Variants in MALRD1 observed in about 807,000 individuals in gnomAD.
MALRD1 encodes the protein MAM and LDL receptor class A domain containing 1, also known as MAM and LDL-receptor class A domain-containing protein 1.
Under a neutral mutation model 242.1 loss-of-function variants are expected in MALRD1, and 247 were observed. The observed-to-expected ratio is 1.02, with a 90% CI of 0.92 to 1.13. MALRD1 has a LOEUF of 1.13. Among genes scored for constraint, MALRD1 ranks in the 50% most tolerant of loss-of-function variants. The pLI is 0.00. For missense variants in MALRD1, 2,989 were observed against 2,533.1 expected (o/e 1.18, Z -3.86); for synonymous variants, 995 against 866.6 (o/e 1.15, Z -2.60).
intron 12 of MALRD1, among the ~76,000 whole-genome samples, chr10:19,161,550 C>CAAAAAAAAAAAAAAAAAAAA: frequency 8.2e-5 from 5 of 60,836 alleles, no homozygotes; most frequent in African/African-American, 1.4e-4. Context: ...AAAAAAAAAG[C>CAAAAAAAAAAAAAAAAAAAA]AAAAAAAAAA....
At chr10:19,721,124 G>T (rs1377082851) in intron 38 of MALRD1, among the ~76,000 whole-genome samples, 4 of 151,852 alleles carry the variant, frequency 2.6e-5, no homozygotes, top group Admixed American at 1.3e-4. Flanking sequence ...TTTCTAAAAA[G>T]ATCTCTTCTT....
intron 28 of MALRD1, among the ~76,000 whole-genome samples, chr10:19,425,498 C>A (rs1456909981): frequency 1.3e-5 from 2 of 151,958 alleles, no homozygotes; most frequent in Non-Finnish European, 2.9e-5. Flanking sequence ...CTGTGACTGT[C>A]TTTTCTTTTC....
At chr10:19,663,185 A>G (rs1214784965) in intron 36 of MALRD1, among the ~76,000 whole-genome samples, 5 of 151,940 alleles carry the variant, frequency 3.3e-5, no homozygotes, top group African/African-American at 1.2e-4. Context: ...CCACCCTTTC[A>G]TATTTTTGAG....
chr10:19,141,025 A>G (rs1447762466), intron 10 of MALRD1, among the ~76,000 whole-genome samples: 4 of 152,234 alleles, frequency 2.6e-5, no homozygotes, highest in Admixed American at 2.6e-4. Flanking sequence ...GTATATGTAT[A>G]TCAAAACATT....
intron 32 of MALRD1, among the ~76,000 whole-genome samples, chr10:19,539,093 A>G (rs930858278): frequency 7.9e-5 from 12 of 152,228 alleles, no homozygotes; most frequent in Non-Finnish European, 1.2e-4. Context: ...AGAGAAAAAA[A>G]TGGAGAATAA....
chr10:19,686,373 G>T (rs531371511), intron 36 of MALRD1, among the ~76,000 whole-genome samples: 1 of 152,136 alleles, frequency 6.6e-6, no homozygotes, highest in Non-Finnish European at 1.5e-5. Context: ...CGTGCGTGGC[G>T]TGTTTGCTGC....
intron 31 of MALRD1, among the ~76,000 whole-genome samples, chr10:19,506,127 A>G (rs1833127791): frequency 6.6e-6 from 1 of 152,160 alleles, no homozygotes; most frequent in Non-Finnish European, 1.5e-5. Flanking sequence ...CCTACATCCA[A>G]AGCACCTGCT....
intron 11 of MALRD1, among the ~76,000 whole-genome samples, chr10:19,148,788 A>ATATATATATATAT (rs1554797975): frequency 2.3e-5 from 2 of 88,014 alleles, no homozygotes; most frequent in African/African-American, 8.2e-5. Flanking sequence ...AAAAAAAAAA[A>ATATATATATATAT]ATATATATAT....
At chr10:19,627,286 G>A (rs1388993366) in intron 36 of MALRD1, among the ~76,000 whole-genome samples, 2 of 152,116 alleles carry the variant, frequency 1.3e-5, no homozygotes, top group African/African-American at 4.8e-5. Context: ...CTTGAAGTAT[G>A]AGGGTCTTTT....
chr10:19,274,062 G>C (rs1840384428), intron 19 of MALRD1, among the ~76,000 whole-genome samples: 1 of 152,146 alleles, frequency 6.6e-6, no homozygotes, highest in East Asian at 1.9e-4. Flanking sequence ...ATGGAAAGCA[G>C]TATGACCATT....
chr10:19,437,498 C>T (rs1158965816), intron 28 of MALRD1, among the ~76,000 whole-genome samples: 4 of 151,912 alleles, frequency 2.6e-5, no homozygotes, highest in Admixed American at 2.0e-4. Context: ...CAGAAATTGT[C>T]TTTTATTATT....
At chr10:19,662,854 A>C (rs1281415304) in intron 36 of MALRD1, among the ~76,000 whole-genome samples, 1 of 152,124 alleles carries the variant, frequency 6.6e-6, no homozygotes, top group Non-Finnish European at 1.5e-5. Context: ...TGGGATGTGG[A>C]GGCCAAGAAT....
intron 26 of MALRD1, among the ~76,000 whole-genome samples, chr10:19,382,227 T>C (rs1182047961): frequency 6.6e-6 from 1 of 152,158 alleles, no homozygotes; most frequent in Non-Finnish European, 1.5e-5. Context: ...TTTGATGTCT[T>C]TTCCTGAATA....
chr10:19,536,336 AT>A (rs1197853728), intron 32 of MALRD1, among the ~76,000 whole-genome samples: 2 of 123,734 alleles, frequency 1.6e-5, no homozygotes, highest in South Asian at 2.9e-4. Context: ...TGCCAGAAAA[AT>A]TTTTTTTCTT....
intron 36 of MALRD1, among the ~76,000 whole-genome samples, chr10:19,658,371 T>C (rs1023968256): frequency 2.8e-4 from 42 of 152,100 alleles, no homozygotes; most frequent in African/African-American, 8.7e-4. Flanking sequence ...AAATAATGCA[T>C]ATAGAAGTTA....
chr10:19,570,329 T>C (rs1836465675), intron 33 of MALRD1, among the ~76,000 whole-genome samples: 1 of 152,080 alleles, frequency 6.6e-6, no homozygotes, highest in Non-Finnish European at 1.5e-5. Flanking sequence ...GTCTTAGGGA[T>C]TATGCAATAC....
chr10:19,193,566 A>G (rs1317551409), intron 14 of MALRD1, among the ~76,000 whole-genome samples: 2 of 152,180 alleles, frequency 1.3e-5, no homozygotes, highest in Non-Finnish European at 2.9e-5. Context: ...AAAAACAAAG[A>G]AAAGAAAAAT....
chr10:19,572,805 T>C lies in MALRD1; in HGVS notation c.5680+5102T>C, dbSNP rs539112822. ...AGGGGGCAGAGATTGGAGTAACTCA[T>C]CTACAAGCCAGGGAATGCCCAACAT... On this transcript the variant is annotated intron_variant, in intron 33 of 39. Coordinates refer to ENST00000454679, the MANE Select transcript of MALRD1 (RefSeq NM_001142308.3). 1.4e-4 allele frequency among the ~76,000 whole-genome samples: 22 copies of C among 152,168 alleles called. No homozygotes were observed. The Middle Eastern group carries it at 0.014, about 94-fold the overall frequency.
intron 4 of MALRD1, among the ~76,000 whole-genome samples, chr10:19,094,730 C>T (rs1315720082): frequency 6.6e-6 from 1 of 152,188 alleles, no homozygotes; most frequent in South Asian, 2.1e-4. Context: ...ATTCCAAATG[C>T]TGTTGAAGTA....
Sources: allele counts gnomAD v4.1 joint callset (sites outside exome capture counted in the v4.1 genomes callset), GRCh38; gene constraint gnomAD v4.1.1; transcripts MANE v1.5; gene names NCBI Gene and HGNC (gene_info 2026-07-23, HGNC 2026-07-21).